The following CADPS variants were observed in gnomAD, a reference collection of about 807,000 sequenced individuals.
The protein encoded by CADPS is calcium dependent secretion activator, also known as calcium-dependent secretion activator 1.
A neutral mutation model predicts 167.3 loss-of-function variants in CADPS; 57 were observed. The ratio of observed to expected loss-of-function variants is 0.34; its 90% CI spans 0.28 to 0.42. CADPS has a LOEUF of 0.42. Among genes scored for constraint, CADPS ranks in the 20% least tolerant of loss-of-function variants. The probability of loss-of-function intolerance (pLI) is 1.00; values close to 1 mark genes in which losing one functional copy is unlikely to be tolerated. For synonymous variants in CADPS, 676 were observed against 635.3 expected (o/e 1.06, Z -0.96); for missense variants, 1,414 against 1,738.1 (o/e 0.81, Z 3.32).
Position 62,753,808 on chromosome 3 carries a change from G to A in CADPS, c.556-35C>T. ...AACAAGGCCAGGAAAGACAGTAGGA[G>A]AGTTTACCACAGAGGTACCAGTTCC... On this transcript the variant is annotated intron_variant, in intron 2 of 29. Coordinates refer to ENST00000383710, the MANE Select transcript of CADPS (RefSeq NM_003716.4). The surrounding 1 kb of genome is among the most constrained non-coding windows in gnomAD (Gnocchi z 4.6). The A allele has an allele frequency of 6.3e-7, 1 of 1,575,510 alleles. No individual in the cohort carries two copies. The highest frequency in any genetic ancestry group is 1.7e-4 in the Middle Eastern group (1 of 5,848).
At chr3:62,611,788 G>A (rs9869127) in intron 6 of CADPS, among the ~76,000 whole-genome samples, 9,836 of 152,282 alleles carry the variant, frequency 0.065, 579 homozygotes, top group African/African-American at 0.15. Context: ...CACTCAGCTT[G>A]TTCCAGGAGT....
intron 10 of CADPS, among the ~76,000 whole-genome samples, chr3:62,554,505 AAGAGGG>A (rs2077798196): frequency 6.6e-6 from 1 of 152,166 alleles, no homozygotes; most frequent in African/African-American, 2.4e-5. Context: ...AACCAAGAGA[AAGAGGG>A]AGAGAGGTAG....
At chr3:62,850,277 G>T (rs1456141720) in intron 1 of CADPS, among the ~76,000 whole-genome samples, 2 of 118,748 alleles carry the variant, frequency 1.7e-5, no homozygotes, top group Non-Finnish European at 3.6e-5. Flanking sequence ...ATTTCCTTCA[G>T]TTCTGCTCTG....
rs1160752125 is a variant in CADPS at position 62,601,780 on chromosome 3, T to C, written c.1326-9032A>G. ...TATTTAGGGGGATGGGGATGACTTT[T>C]AAAGTCACAGCACATTATTTCTCCA... On this transcript the variant is annotated intron_variant, in intron 6 of 29. Transcript: ENST00000383710. This position sits in a 1 kb window ranked among gnomAD's most constrained non-coding sequence, Gnocchi z 4.3. 1.3e-5 allele frequency among the ~76,000 whole-genome samples: 2 copies of C among 152,180 alleles called. No individual in the cohort carries two copies. The highest frequency in any genetic ancestry group is 2.9e-5 in the Non-Finnish European group (2 of 68,032).
chr3:62,829,162 G>A (rs2074603464), intron 1 of CADPS, among the ~76,000 whole-genome samples: 1 of 152,084 alleles, frequency 6.6e-6, no homozygotes, highest in African/African-American at 2.4e-5. Context: ...TAAAAAATGA[G>A]GCTCATGGAG....
chr3:62,490,306 A>AAAAGAAAG lies in CADPS; in HGVS notation c.3026+1025_3026+1032dup, dbSNP rs369297471. Among the ~76,000 whole-genome samples the AAAAGAAAG allele has an allele frequency of 2.0e-3, 299 of 152,082 alleles. 1 individual carries two copies. Among genetic ancestry groups the AAAAGAAAG allele is most frequent in the African/African-American group, 6.6e-3 (272 of 41,448 alleles). On this transcript the variant is annotated intron_variant, in intron 21 of 29. Transcript: ENST00000383710. ...GCATGAACGAAATGATTTCCTTAAA[A>AAAAGAAAG]AAAGAAAGAAAGAAAGAAAGAAAGA...
At chr3:62,585,403 T>C (rs2084377499) in intron 7 of CADPS, 79 bp from the exon 8 acceptor site, 1 of 1,450,604 alleles carries the variant, frequency 6.9e-7, no homozygotes. Flanking sequence ...TGATTCTGAG[T>C]AGTGGAGTGA....
At chr3:62,487,533 A>T (rs2063026791) in intron 21 of CADPS, among the ~76,000 whole-genome samples, 1 of 152,214 alleles carries the variant, frequency 6.6e-6, no homozygotes, top group Non-Finnish European at 1.5e-5. Flanking sequence ...ATCTTTAGCT[A>T]TGGTTAGAAG....
intron 3 of CADPS, among the ~76,000 whole-genome samples, chr3:62,727,177 T>A (rs569670818): frequency 2.0e-5 from 3 of 151,738 alleles, no homozygotes; most frequent in Non-Finnish European, 4.4e-5. Flanking sequence ...CCGAAGAGCA[T>A]GTATAGGAGT....
chr3:62,559,896 T>A lies in CADPS; in HGVS notation c.1645-2383A>T, dbSNP rs62243520. The stretch of plus-strand genomic sequence containing the variant: ...GAGAGTTGCCGACACTCACTTAAGA[T>A]TTAAAAAAAAAATCACAACAGAAGG... On this transcript the variant is annotated intron_variant, in intron 9 of 29. Coordinates refer to ENST00000383710, the MANE Select transcript of CADPS (RefSeq NM_003716.4). Among the ~76,000 whole-genome samples, 892 of 151,926 alleles carry A rather than the reference T, an allele frequency of 5.9e-3. 11 individuals carry two copies. The highest frequency in any genetic ancestry group is 0.02 in the African/African-American group (834 of 41,470).
chr3:62,500,817 AG>A (rs1416839545), intron 17 of CADPS, among the ~76,000 whole-genome samples: 2 of 152,216 alleles, frequency 1.3e-5, no homozygotes, highest in Non-Finnish European at 2.9e-5. Context: ...ACAAAAAAAA[AG>A]GTTCTTAATA....
chr3:62,631,951 C>T (rs2065359412), intron 6 of CADPS, among the ~76,000 whole-genome samples: 1 of 152,166 alleles, frequency 6.6e-6, no homozygotes, highest in Admixed American at 6.5e-5. Context: ...GTGATGTATT[C>T]ACTAAAACAA....
intron 1 of CADPS, among the ~76,000 whole-genome samples, chr3:62,854,639 A>T (rs575795509): frequency 2.6e-5 from 4 of 152,196 alleles, no homozygotes; most frequent in African/African-American, 4.8e-5. Context: ...AAAAGATTGC[A>T]TGTTATCTTC....
At chr3:62,621,219 C>T (rs1001362124) in intron 6 of CADPS, among the ~76,000 whole-genome samples, 2 of 152,134 alleles carry the variant, frequency 1.3e-5, no homozygotes, top group African/African-American at 4.8e-5. Flanking sequence ...GGTGCCATTC[C>T]CATGTCCAGA....
intron 3 of CADPS, among the ~76,000 whole-genome samples, chr3:62,697,469 T>C (rs55849349): frequency 0.066 from 10,017 of 152,146 alleles, 403 homozygotes; most frequent in South Asian, 0.094. Flanking sequence ...TAGCATTCTA[T>C]CGTATATATA....
At chr3:62,868,257 G>C (rs1007735372) in intron 1 of CADPS, among the ~76,000 whole-genome samples, 1 of 152,070 alleles carries the variant, frequency 6.6e-6, no homozygotes, top group East Asian at 1.9e-4. Flanking sequence ...AGGGGCCAGG[G>C]TCAGATCAGT....
chr3:62,482,865 T>C (rs2062206697), intron 21 of CADPS, among the ~76,000 whole-genome samples: 1 of 152,214 alleles, frequency 6.6e-6, no homozygotes, highest in African/African-American at 2.4e-5. Flanking sequence ...TTAAAAATGT[T>C]ACCTCATACC....
intron 9 of CADPS, among the ~76,000 whole-genome samples, chr3:62,560,236 T>G (rs2078913094): frequency 6.6e-6 from 1 of 152,202 alleles, no homozygotes; most frequent in Admixed American, 6.5e-5. Context: ...ATCTCACTTT[T>G]TATAGACTGA....
At chr3:62,755,394 G>A (rs754893615) in intron 2 of CADPS, among the ~76,000 whole-genome samples, 18 of 152,150 alleles carry the variant, frequency 1.2e-4, no homozygotes, top group African/African-American at 4.1e-4. Context: ...TGAAGCCGCC[G>A]CTTCATATTC....
Sources: gnomAD v4.1 joint callset for allele counts (sites outside exome capture counted in the v4.1 genomes callset) on GRCh38, gnomAD v4.1.1 for gene constraint, Gnocchi (gnomAD v3.1) non-coding constraint, MANE v1.5 for transcripts, NCBI Gene and HGNC (gene_info 2026-07-23, HGNC 2026-07-21) for gene names.